The following MARCHF1 variants were observed in gnomAD, a reference collection of about 807,000 sequenced individuals.
The protein encoded by MARCHF1 is E3 ubiquitin-protein ligase MARCHF1.
Under a neutral mutation model 54.2 loss-of-function variants are expected in MARCHF1, and 40 were observed. The ratio of observed to expected loss-of-function variants is 0.74; its 90% CI spans 0.57 to 0.96. MARCHF1 has a LOEUF of 0.96. MARCHF1 is among the 40% of genes least tolerant of loss of function. The pLI, the probability that MARCHF1 is intolerant of heterozygous loss-of-function variation, is 0.00. For synonymous variants in MARCHF1, 236 were observed against 236.3 expected (o/e 1.00, Z 0.01); for missense variants, 586 against 656.5 (o/e 0.89, Z 1.17).
rs191026039 is a variant in MARCHF1 at position 164,141,808 on chromosome 4, G to T, written c.-322-30146C>A. ...AGTCAGTTAAAAATTACATATGTTGGGGGGAGGAGCCAAGATGGCCGAATA... is the reference window on the plus strand; with the variant it reads ...AGTCAGTTAAAAATTACATATGTTGTGGGGAGGAGCCAAGATGGCCGAATA... On this transcript the variant is annotated intron_variant, in intron 1 of 9. Transcript: ENST00000514618. Among the ~76,000 whole-genome samples the T allele has an allele frequency of 4.7e-4, 72 of 152,292 alleles. 1 individual carries two copies. Among genetic ancestry groups the T allele is most frequent in the African/African-American group, 1.7e-3 (69 of 41,562 alleles).
intron 1 of MARCHF1, among the ~76,000 whole-genome samples, chr4:164,323,429 C>A (rs2110770886): frequency 6.6e-6 from 1 of 150,404 alleles, no homozygotes; most frequent in Non-Finnish European, 1.5e-5. Context: ...TAAAATAGTC[C>A]TCATAAGAAA....
At chr4:163,981,086 ATGAGC>A (rs1372272201) in intron 3 of MARCHF1, among the ~76,000 whole-genome samples, 1 of 152,082 alleles carries the variant, frequency 6.6e-6, no homozygotes, top group African/African-American at 2.4e-5. Flanking sequence ...TATCTCACAC[ATGAGC>A]TTCATTATCT....
At chr4:163,906,516 CT>C (rs1344270181) in intron 3 of MARCHF1, among the ~76,000 whole-genome samples, 1 of 151,810 alleles carries the variant, frequency 6.6e-6, no homozygotes, top group African/African-American at 2.4e-5. Context: ...TTACAAAAAG[CT>C]GTACATAATT....
chr4:163,604,524 T>C (rs765686889), intron 7 of MARCHF1, among the ~76,000 whole-genome samples: 7 of 152,164 alleles, frequency 4.6e-5, no homozygotes, highest in Non-Finnish European at 1.0e-4. Context: ...GGCTTTCTAA[T>C]TGATTTACTT....
intron 1 of MARCHF1, among the ~76,000 whole-genome samples, chr4:164,338,624 A>T (rs2110833480): frequency 6.6e-6 from 1 of 152,328 alleles, no homozygotes; most frequent in South Asian, 2.1e-4. Flanking sequence ...GACAAAACAG[A>T]CTTTAAGTCA....
chr4:164,068,214 T>G (rs894440839), intron 2 of MARCHF1, among the ~76,000 whole-genome samples: 1 of 152,174 alleles, frequency 6.6e-6, no homozygotes, highest in Non-Finnish European at 1.5e-5. Flanking sequence ...GCAATCCCAT[T>G]GAGAGGTGAC....
intron 1 of MARCHF1, among the ~76,000 whole-genome samples, chr4:164,322,573 C>T (rs113546827): frequency 0.017 from 2,635 of 151,964 alleles, 71 homozygotes; most frequent in African/African-American, 0.06. Context: ...AATAATGTAA[C>T]TGAATTGTTT....
intron 2 of MARCHF1, among the ~76,000 whole-genome samples, chr4:164,098,926 G>A (rs17044476): frequency 0.14 from 21,154 of 152,074 alleles, 2,362 homozygotes; most frequent in African/African-American, 0.32. Flanking sequence ...TTTTTCTCCC[G>A]TTGGCTCTAA....
intron 4 of MARCHF1, among the ~76,000 whole-genome samples, chr4:163,768,859 A>C (rs970415491): frequency 1.3e-5 from 2 of 152,186 alleles, no homozygotes; most frequent in Non-Finnish European, 2.9e-5. Context: ...GGATAGGATT[A>C]AATTTCCTAT....
chr4:164,351,628 G>T (rs1730338434), intron 1 of MARCHF1, among the ~76,000 whole-genome samples: 1 of 152,044 alleles, frequency 6.6e-6, no homozygotes, highest in Admixed American at 6.6e-5. Flanking sequence ...CCATCATCAA[G>T]ACCAAAAGTA....
At chr4:163,778,980 C>A (rs1337792097) in intron 4 of MARCHF1, among the ~76,000 whole-genome samples, 1 of 152,086 alleles carries the variant, frequency 6.6e-6, no homozygotes, top group South Asian at 2.1e-4. Context: ...TACACTTATA[C>A]AAATAAAAAC....
chr4:163,950,785 T>C (rs1279496396), intron 3 of MARCHF1, among the ~76,000 whole-genome samples: 1 of 152,220 alleles, frequency 6.6e-6, no homozygotes. Context: ...AACATACTAA[T>C]TTATAAGATT....
intron 3 of MARCHF1, among the ~76,000 whole-genome samples, chr4:163,860,827 A>G (rs1171238402): frequency 1.3e-5 from 2 of 152,202 alleles, no homozygotes; most frequent in Admixed American, 6.5e-5. Flanking sequence ...TAAACATTAA[A>G]TACAGCCCAA....
chr4:163,933,361 G>A (rs965239085), intron 3 of MARCHF1, among the ~76,000 whole-genome samples: 2 of 152,064 alleles, frequency 1.3e-5, no homozygotes, highest in Non-Finnish European at 2.9e-5. Context: ...TTATGTATAC[G>A]GAATCATCTG....
chr4:163,736,335 C>A (rs748177100), intron 4 of MARCHF1, among the ~76,000 whole-genome samples: 3 of 152,108 alleles, frequency 2.0e-5, no homozygotes, highest in Non-Finnish European at 4.4e-5. Flanking sequence ...GGGCAGGTGG[C>A]ATTGACAGCA....
At chr4:163,972,158 T>A (rs1289422293) in intron 3 of MARCHF1, among the ~76,000 whole-genome samples, 2 of 151,428 alleles carry the variant, frequency 1.3e-5, no homozygotes, top group Non-Finnish European at 2.9e-5. Context: ...TGAGAACACA[T>A]GGACACAGGG....
chr4:163,787,060 A>T (rs1252511208), intron 4 of MARCHF1, among the ~76,000 whole-genome samples: 1 of 151,946 alleles, frequency 6.6e-6, no homozygotes, highest in Non-Finnish European at 1.5e-5. Flanking sequence ...CTTACCTTAT[A>T]CTATATACAA....
At chr4:163,757,601 A>G (rs1309124526) in intron 4 of MARCHF1, among the ~76,000 whole-genome samples, 1 of 152,226 alleles carries the variant, frequency 6.6e-6, no homozygotes, top group Non-Finnish European at 1.5e-5. Flanking sequence ...CAGGAACAGC[A>G]AACATGGAAA....
At chr4:164,220,326 A>G (rs886085692) in intron 1 of MARCHF1, among the ~76,000 whole-genome samples, 8 of 147,284 alleles carry the variant, frequency 5.4e-5, no homozygotes, top group Non-Finnish European at 1.0e-4. Flanking sequence ...TCATATATAT[A>G]TAGGAATTCC....
Sources: allele counts gnomAD v4.1 joint callset (sites outside exome capture counted in the v4.1 genomes callset), GRCh38; gene constraint gnomAD v4.1.1; transcripts MANE v1.5; gene names NCBI Gene and HGNC (gene_info 2026-07-23, HGNC 2026-07-21).